RICTOR: variants seen among roughly 807,000 people sequenced by gnomAD.
The protein encoded by RICTOR is RPTOR independent companion of MTOR complex 2.
RICTOR carries 49 observed loss-of-function variants against 214.9 expected under a neutral mutation model. The ratio of observed to expected loss-of-function variants is 0.23; its 90% CI spans 0.18 to 0.29. The LOEUF is 0.29. RICTOR is among the 10% of genes least tolerant of loss of function. RICTOR has a pLI of 1.00. For synonymous variants in RICTOR, 717 were observed against 711.3 expected (o/e 1.01, Z -0.13); for missense variants, 1,625 against 2,047.0 (o/e 0.79, Z 3.98).
chr5:39,061,039 A>G (rs1311049439), intron 2 of RICTOR, among the ~76,000 whole-genome samples: 1 of 152,046 alleles, frequency 6.6e-6, no homozygotes, highest in African/African-American at 2.4e-5. Context: ...ACACTCCCCA[A>G]CATACATTAT....
intron 14 of RICTOR, 80 bp downstream of exon 14, chr5:38,967,081 G>GT: frequency 1.8e-6 from 2 of 1,110,910 alleles, no homozygotes; most frequent in South Asian, 1.3e-5. Flanking sequence ...GATTACAGGC[G>GT]TGAGTCACCA....
chr5:39,022,139 T>C (rs1411605958), intron 2 of RICTOR, among the ~76,000 whole-genome samples: 1 of 152,232 alleles, frequency 6.6e-6, no homozygotes, highest in East Asian at 1.9e-4. Context: ...TATAGGCTAA[T>C]GTAAGTGTTC....
chr5:39,020,918 G>A (rs1323678500), intron 3 of RICTOR, 121 bp downstream of exon 3: 1 of 634,222 alleles, frequency 1.6e-6, no homozygotes, highest in African/African-American at 1.8e-5. Flanking sequence ...AAGCAGGAAA[G>A]AAAAGCATTA....
rs143572359 is a variant in RICTOR at position 38,946,538 on chromosome 5, G to A, written c.4329C>T (p.Pro1443=). Residue 1443 remains proline, a synonymous_variant, in exon 33 of 38, where the codon CCC becomes CCT. Coordinates refer to ENST00000357387, the MANE Select transcript of RICTOR (RefSeq NM_152756.5). ...GTGGTATGTTTTTTGTCTGAAAATA[G>A]GGAATATCCTTTACCTAAAAAAAGA... ...INDIFQVKDI[P]YFQTKNIPPH... is the part of the protein sequence containing the mutation. 189 of 1,603,256 alleles carry A rather than the reference G, an allele frequency of 1.2e-4. No homozygotes were observed. The highest frequency in any genetic ancestry group is 1.5e-4 in the Non-Finnish European group (180 of 1,170,446).
Position 38,941,118 on chromosome 5 carries a change from T to C in RICTOR, c.*1186A>G, listed in dbSNP as rs571835787. ...AAAGTTCCAAATACCTTTAGACATA[T>C]ACAAATTAAACAAACAAAAACCTTG... On this transcript the variant is annotated 3_prime_UTR_variant, in exon 38 of 38. Transcript: ENST00000357387. The C allele has an allele frequency of 4.3e-6, 1 of 232,910 alleles. No individual in the cohort carries two copies. Among genetic ancestry groups the C allele is most frequent in the South Asian group, 1.8e-4 (1 of 5,528 alleles). The allele number at this position is 232,910 out of a possible 1,614,324, so 14.4% of individuals were successfully genotyped here. A position where few individuals can be genotyped will look rare whatever the true frequency, so the allele number is the denominator to read the frequency against.
At chr5:39,056,170 A>G (rs964658793) in intron 2 of RICTOR, among the ~76,000 whole-genome samples, 1 of 152,236 alleles carries the variant, frequency 6.6e-6, no homozygotes, top group Non-Finnish European at 1.5e-5. Flanking sequence ...TTGAGAGTCA[A>G]TCATTCAGTC....
Position 38,945,654 on chromosome 5 carries a change from C to T in RICTOR, c.4470G>A (p.Thr1490=), listed in dbSNP as rs79020728. Residue 1490 remains threonine, a synonymous_variant, in exon 34 of 38, where the codon ACG becomes ACA. Transcript: ENST00000357387. ...CTGAATGGATTGAATTCATTATTTC[C>T]GTAAGACTCATCTGCTGTCGTAGCA... ...FHLLRQQMSL[T]EIMNSIHSDA... 1.2e-5 allele frequency: 19 copies of T among 1,613,942 alleles called. No homozygotes were observed. In the Admixed American group the frequency reaches 1.7e-4, roughly 14 times the overall value.
At position 38,952,238 on chromosome 5, in the gene RICTOR, T is replaced by C. The variant is rs144230407; in HGVS notation, c.3085A>G (p.Thr1029Ala). The change falls in exon 30 of 38, where the codon ACC becomes GCC. Residue 1029 changes from threonine to alanine, a missense_variant. Thr to Ala is a moderately conservative substitution (Grantham distance 58). Coordinates refer to ENST00000357387, the MANE Select transcript of RICTOR (RefSeq NM_152756.5). ...PSTLSLNSES[T>A]SSRHNSESES... Reference sequence around the variant, plus strand: ...CTTTCACTATTATGTCTAGAGCTGGTTGACTCCGAGTTCAAACTTAGAGTG... The same window carrying C: ...CTTTCACTATTATGTCTAGAGCTGGCTGACTCCGAGTTCAAACTTAGAGTG... 3.2e-3 allele frequency: 5,205 copies of C among 1,612,586 alleles called. 13 individuals carry two copies. The highest frequency in any genetic ancestry group is 4.0e-3 in the Non-Finnish European group (4,713 of 1,178,874).
intron 31 of RICTOR, 72 bp downstream of exon 31, chr5:38,949,640 G>A (rs1748534047): frequency 7.3e-7 from 1 of 1,364,366 alleles, no homozygotes; most frequent in African/African-American, 1.4e-5. Flanking sequence ...TGTAAAACCT[G>A]GCTAACATTT....
At chr5:38,978,059 T>C (rs1751389050) in intron 9 of RICTOR, among the ~76,000 whole-genome samples, 1 of 152,206 alleles carries the variant, frequency 6.6e-6, no homozygotes, top group Non-Finnish European at 1.5e-5. Context: ...GTGCTTTATT[T>C]GATCCCTAAA....
chr5:39,050,866 T>C (rs1169178811), intron 2 of RICTOR, among the ~76,000 whole-genome samples: 3 of 152,214 alleles, frequency 2.0e-5, no homozygotes, highest in Non-Finnish European at 4.4e-5. Flanking sequence ...GGGCTCATTA[T>C]ACTTTTTTCT....
chr5:38,958,852 A>G, intron 22 of RICTOR, 21 bp from the exon 23 acceptor site: 1 of 1,461,224 alleles, frequency 6.8e-7, no homozygotes, highest in Non-Finnish European at 9.1e-7. Context: ...AAATGAATAC[A>G]TTAAAAAAAA....
chr5:39,026,323 AACAG>A (rs1397751528), intron 2 of RICTOR, among the ~76,000 whole-genome samples: 2 of 152,150 alleles, frequency 1.3e-5, no homozygotes, highest in African/African-American at 4.8e-5. Context: ...CAGCTTGGGC[AACAG>A]ACAGTGCAAG....
chr5:38,996,425 T>C (rs1379977326), intron 6 of RICTOR, among the ~76,000 whole-genome samples: 1 of 152,202 alleles, frequency 6.6e-6, no homozygotes, highest in Non-Finnish European at 1.5e-5. Flanking sequence ...TTTAAAACAA[T>C]GAACTTCTTA....
chr5:38,965,595 G>A (rs1259466843), intron 15 of RICTOR, among the ~76,000 whole-genome samples: 1 of 151,910 alleles, frequency 6.6e-6, no homozygotes, highest in Non-Finnish European at 1.5e-5. Flanking sequence ...TTCTTGAACA[G>A]GAAATGGTAT....
intron 2 of RICTOR, among the ~76,000 whole-genome samples, chr5:39,054,790 C>T (rs1758090833): frequency 6.6e-6 from 1 of 152,184 alleles, no homozygotes; most frequent in African/African-American, 2.4e-5. Flanking sequence ...TTTCCACCCA[C>T]AGTGAAAAGA....
intron 8 of RICTOR, among the ~76,000 whole-genome samples, chr5:38,979,056 A>G (rs2150056392): frequency 6.6e-6 from 1 of 152,246 alleles, no homozygotes; most frequent in Admixed American, 6.5e-5. Flanking sequence ...CTATTAATGA[A>G]CTGCACGTTC....
At chr5:39,064,212 T>C (rs546252807) in intron 2 of RICTOR, among the ~76,000 whole-genome samples, 3 of 152,312 alleles carry the variant, frequency 2.0e-5, no homozygotes, top group African/African-American at 2.4e-5. Context: ...TAAGGAGCCA[T>C]TCAACTTTAA....
chr5:38,962,449 A>C, intron 18 of RICTOR, 36 bp downstream of exon 18: 1 of 1,234,002 alleles, frequency 8.1e-7, no homozygotes, highest in Non-Finnish European at 1.2e-6. Flanking sequence ...TAATAAAATT[A>C]AAGACAAGCC....
Sources: gnomAD v4.1 joint callset for allele counts (sites outside exome capture counted in the v4.1 genomes callset) on GRCh38, gnomAD v4.1.1 for gene constraint, MANE v1.5 for transcripts, NCBI Gene and HGNC (gene_info 2026-07-23, HGNC 2026-07-21) for gene names.